NTN4: variants seen among roughly 807,000 people sequenced by gnomAD.
NTN4 encodes netrin-4.
NTN4 carries 32 observed loss-of-function variants against 73.6 expected under a neutral mutation model. The ratio of observed to expected loss-of-function variants is 0.44; its 90% CI spans 0.33 to 0.58. NTN4 has a LOEUF of 0.58. NTN4 is among the 20% of genes least tolerant of loss of function. The pLI, the probability that NTN4 is intolerant of heterozygous loss-of-function variation, is 0.04. For missense variants in NTN4, 654 were observed against 798.3 expected (o/e 0.82, Z 2.18); for synonymous variants, 258 against 287.5 (o/e 0.90, Z 1.04).
intron 2 of NTN4, among the ~76,000 whole-genome samples, chr12:95,772,358 GT>G (rs2079063917): frequency 6.6e-6 from 1 of 152,116 alleles, no homozygotes; most frequent in Non-Finnish European, 1.5e-5. Flanking sequence ...TTGCAAAAGT[GT>G]TTTCAATAAT....
rs1430502405 is a variant in NTN4, at chr12:95,789,248, G to A, written c.55+1007C>T. ...AGCCTGGATTTTGCTGGGTGCCAGC[G>A]GCCCTCAGGGAAGAGTGGAAGCCCA... On this transcript the variant is annotated intron_variant, in intron 1 of 9. Coordinates refer to ENST00000343702, the MANE Select transcript of NTN4 (RefSeq NM_021229.4). The surrounding 1 kb of genome is among the most constrained non-coding windows in gnomAD (Gnocchi z 4.0). Among the ~76,000 whole-genome samples the A allele has an allele frequency of 6.6e-6, 1 of 152,150 alleles. No individual in the cohort carries two copies. Among genetic ancestry groups the A allele is most frequent in the Non-Finnish European group, 1.5e-5 (1 of 68,020 alleles).
At chr12:95,707,681 G>A (rs1341580716) in intron 5 of NTN4, among the ~76,000 whole-genome samples, 1 of 152,260 alleles carries the variant, frequency 6.6e-6, no homozygotes, top group Admixed American at 6.5e-5. Flanking sequence ...TTGAGGGCAA[G>A]GATCTTTGTC....
At chr12:95,705,287 T>C (rs2078514828) in intron 5 of NTN4, among the ~76,000 whole-genome samples, 1 of 152,266 alleles carries the variant, frequency 6.6e-6, no homozygotes, top group Middle Eastern at 3.4e-3. Flanking sequence ...TACATGGCTA[T>C]ATCTATAAAT....
intron 5 of NTN4, among the ~76,000 whole-genome samples, chr12:95,701,370 A>G (rs2078483642): frequency 6.6e-6 from 1 of 152,112 alleles, no homozygotes; most frequent in Admixed American, 6.5e-5. Context: ...GGAGAGATTC[A>G]TGTTTTCCCT....
intron 5 of NTN4, among the ~76,000 whole-genome samples, chr12:95,706,518 T>A (rs2121071369): frequency 6.6e-6 from 1 of 152,342 alleles, no homozygotes; most frequent in Middle Eastern, 3.4e-3. Flanking sequence ...TTGAAATTAA[T>A]CTGAGCTATA....
At chr12:95,742,244 C>T (rs1315494105) in intron 2 of NTN4, among the ~76,000 whole-genome samples, 1 of 151,872 alleles carries the variant, frequency 6.6e-6, no homozygotes, top group Admixed American at 6.6e-5. Flanking sequence ...GCCTGTCATC[C>T]CAGCACTTTG....
Position 95,768,765 on chromosome 12 carries a change from G to A in NTN4, c.585+18174C>T, listed in dbSNP as rs186970339. The stretch of plus-strand genomic sequence containing the variant: ...ACATTCAGGAGAATGCCACAATTAC[G>A]CAGAAGAAAAATAAGAGTGGTTTGC... On this transcript the variant is annotated intron_variant, in intron 2 of 9. Transcript: ENST00000343702. Among the ~76,000 whole-genome samples the A allele has an allele frequency of 1.5e-3, 230 of 152,252 alleles. 3 individuals are homozygous for A. The highest frequency in any genetic ancestry group is 5.2e-3 in the African/African-American group (215 of 41,544).
chr12:95,681,712 G>A (rs1317607943), intron 7 of NTN4, among the ~76,000 whole-genome samples: 5 of 152,130 alleles, frequency 3.3e-5, no homozygotes, highest in East Asian at 3.8e-4. Context: ...CATGCCCTTC[G>A]AAAGAAGAAA....
intron 2 of NTN4, among the ~76,000 whole-genome samples, chr12:95,783,545 G>A (rs1184703141): frequency 6.6e-6 from 1 of 152,186 alleles, no homozygotes; most frequent in Non-Finnish European, 1.5e-5. Flanking sequence ...GAGTGAGAGA[G>A]GAGGGAGATA....
chr12:95,750,822 A>G (rs1257552595), intron 2 of NTN4, among the ~76,000 whole-genome samples: 1 of 151,646 alleles, frequency 6.6e-6, no homozygotes, highest in Non-Finnish European at 1.5e-5. Flanking sequence ...CTGCTTCTCC[A>G]CCCTATAATC....
At chr12:95,686,300 T>A (rs1378419353) in intron 5 of NTN4, among the ~76,000 whole-genome samples, 1 of 152,178 alleles carries the variant, frequency 6.6e-6, no homozygotes, top group East Asian at 1.9e-4. Flanking sequence ...AAGATTTCCA[T>A]ACATGTGATG....
chr12:95,675,211 G>T (rs561672728), intron 7 of NTN4, among the ~76,000 whole-genome samples: 1 of 152,204 alleles, frequency 6.6e-6, no homozygotes, highest in Non-Finnish European at 1.5e-5. Context: ...CTTCTTTCCT[G>T]TTGTGATTGA....
chr12:95,724,647 T>A (rs2078677927), intron 3 of NTN4, among the ~76,000 whole-genome samples: 1 of 152,196 alleles, frequency 6.6e-6, no homozygotes, highest in Non-Finnish European at 1.5e-5. Flanking sequence ...CAACAAGTAT[T>A]ACAACAAAAA....
rs542828048 is a variant in NTN4, at chr12:95,684,720, C to T, written c.1181-1009G>A. ...AGCAGTTTCTTTGTTCTTGGGATGG[C>T]AAAAGTAGTTGAACAAAGTGTATAT... is the stretch of plus-strand genomic sequence containing the variant. On this transcript the variant is annotated intron_variant, in intron 5 of 9. Coordinates refer to ENST00000343702, the MANE Select transcript of NTN4 (RefSeq NM_021229.4). 6.6e-5 allele frequency among the ~76,000 whole-genome samples: 10 copies of T among 152,236 alleles called. No individual in the cohort carries two copies. The South Asian group carries it at 1.0e-3, about 16-fold the overall frequency.
At chr12:95,780,564 T>C (rs2079124933) in intron 2 of NTN4, among the ~76,000 whole-genome samples, 1 of 152,224 alleles carries the variant, frequency 6.6e-6, no homozygotes, top group Admixed American at 6.5e-5. Flanking sequence ...TCATCATCAC[T>C]GGCCATCAGA....
At chr12:95,756,767 C>T (rs759207356) in intron 2 of NTN4, among the ~76,000 whole-genome samples, 4 of 152,004 alleles carry the variant, frequency 2.6e-5, no homozygotes, top group Non-Finnish European at 5.9e-5. Flanking sequence ...CTTTATACTC[C>T]AGCCATACCG....
intron 2 of NTN4, among the ~76,000 whole-genome samples, chr12:95,774,327 C>T (rs2079077297): frequency 6.6e-6 from 1 of 152,142 alleles, no homozygotes; most frequent in Admixed American, 6.5e-5. Context: ...CACTAGGTTT[C>T]AGTTTCTTTG....
At chr12:95,744,811 A>G (rs767701422) in intron 2 of NTN4, among the ~76,000 whole-genome samples, 34 of 148,542 alleles carry the variant, frequency 2.3e-4, no homozygotes, top group Non-Finnish European at 3.0e-5. Flanking sequence ...ATTTCCTTCA[A>G]TGCAAATCTG....
Position 95,713,222 on chromosome 12 carries a change from G to C in NTN4, c.981C>G (p.Asn327Lys), listed in dbSNP as rs374055562. 6 of 1,613,120 alleles carry C rather than the reference G, an allele frequency of 3.7e-6. No homozygotes were observed. Among genetic ancestry groups the C allele is most frequent in the Non-Finnish European group, 5.1e-6 (6 of 1,179,330 alleles). The part of the protein sequence containing the change: ...EAADGKTGAP[N>K]ECRTCKCNGH... ...GGGCTTGTTACTTACTTCTGCACTC[G>C]TTGGGAGCCCCCGTTTTGCCATCAG... The change falls in exon 4 of 10, where the codon AAC becomes AAG. Residue 327 changes from asparagine to lysine, a missense_variant. Asn to Lys is a moderately conservative substitution (Grantham distance 94). Coordinates refer to ENST00000343702, the MANE Select transcript of NTN4 (RefSeq NM_021229.4).
Sources: allele counts gnomAD v4.1 joint callset (sites outside exome capture counted in the v4.1 genomes callset), GRCh38; gene constraint gnomAD v4.1.1; non-coding constraint Gnocchi (gnomAD v3.1); transcripts MANE v1.5; gene names NCBI Gene and HGNC (gene_info 2026-07-23, HGNC 2026-07-21).